RBM20: variants seen among roughly 807,000 people sequenced by gnomAD.
RBM20 encodes RNA-binding protein 20.
RBM20 carries 51 observed loss-of-function variants against 110.1 expected under a neutral mutation model. That is an observed-to-expected ratio of 0.46 (90% CI 0.37 to 0.59). The LOEUF is 0.59. Ranked by LOEUF, RBM20 falls within the 20% of genes least tolerant of loss-of-function variation. The probability of loss-of-function intolerance (pLI) is 0.00; values close to 1 mark genes in which losing one functional copy is unlikely to be tolerated. For missense variants in RBM20, 1,512 were observed against 1,574.9 expected (o/e 0.96, Z 0.68); for synonymous variants, 589 against 618.2 (o/e 0.95, Z 0.70).
chr10:110,776,401 T>G (rs11195319), intron 1 of RBM20, among the ~76,000 whole-genome samples: 67,987 of 152,084 alleles, frequency 0.45, 15,389 homozygotes, highest in South Asian at 0.5. Context: ...CTGGAGGCCA[T>G]AAGTCCAAAA....
chr10:110,682,590 T>C (rs1335512807), intron 1 of RBM20, among the ~76,000 whole-genome samples: 2 of 152,212 alleles, frequency 1.3e-5, no homozygotes, highest in Non-Finnish European at 2.9e-5. Context: ...TTGTGAAAGA[T>C]TCCTGGATTT....
rs144096950 is a variant in RBM20 at position 110,725,244 on chromosome 10, C to A, written c.192-55557C>A. Among the ~76,000 whole-genome samples, 11 of 152,296 alleles carry A rather than the reference C, an allele frequency of 7.2e-5. No individual in the cohort carries two copies. The East Asian group carries it at 1.9e-3, about 27-fold the overall frequency. ...TTCAAAGGCTGATGAAAGCTTTGGACTTTCACCTCAGAAAAATTACTCTGG... is the reference window on the plus strand; with the variant it reads ...TTCAAAGGCTGATGAAAGCTTTGGAATTTCACCTCAGAAAAATTACTCTGG... On this transcript the variant is annotated intron_variant, in intron 1 of 13. Transcript: ENST00000369519.
At chr10:110,822,012 A>G (rs1404216060) in intron 11 of RBM20, 77 bp downstream of exon 11, 1 of 1,373,620 alleles carries the variant, frequency 7.3e-7, no homozygotes. Context: ...GAGCATGTGC[A>G]GGCTGGAATG....
At chr10:110,747,575 A>G (rs1445368537) in intron 1 of RBM20, among the ~76,000 whole-genome samples, 2 of 152,322 alleles carry the variant, frequency 1.3e-5, no homozygotes, top group East Asian at 1.9e-4. Flanking sequence ...GTGGGTTACA[A>G]TGCTTCTCTA....
At chr10:110,776,191 T>C (rs1204485926) in intron 1 of RBM20, among the ~76,000 whole-genome samples, 6 of 152,152 alleles carry the variant, frequency 3.9e-5, no homozygotes, top group Non-Finnish European at 8.8e-5. Flanking sequence ...TTTGGATGTT[T>C]GGTCAGATGG....
intron 1 of RBM20, among the ~76,000 whole-genome samples, chr10:110,735,708 G>A (rs1590644271): frequency 6.6e-6 from 1 of 152,216 alleles, no homozygotes. Context: ...TCTAGCGCAT[G>A]AGCATGTCTG....
intron 1 of RBM20, among the ~76,000 whole-genome samples, chr10:110,757,011 T>G (rs974151100): frequency 2.6e-5 from 4 of 152,192 alleles, no homozygotes; most frequent in African/African-American, 9.6e-5. Context: ...CAATCAGATT[T>G]GTTCCCTCAG....
At chr10:110,650,602 A>C (rs963938621) in intron 1 of RBM20, among the ~76,000 whole-genome samples, 1 of 149,586 alleles carries the variant, frequency 6.7e-6, no homozygotes, top group African/African-American at 2.4e-5. Flanking sequence ...AGGCTGTACC[A>C]GGGCCACTTG....
At position 110,781,384 on chromosome 10, in the gene RBM20, G is replaced by A. The variant is rs530789146; in HGVS notation, c.775G>A (p.Gly259Ser). 1 of 1,551,694 alleles carries A rather than the reference G, an allele frequency of 6.4e-7. No homozygotes were observed. Among genetic ancestry groups the A allele is most frequent in the Non-Finnish European group, 8.7e-7 (1 of 1,147,006 alleles). ...CCTGCCATCCTCGGCCTCAACCTCG[G>A]GCAGTGTGACCTATGAAGGGCACTA... ...GFLPSSASTS[G>S]SVTYEGHYSH... The change falls in exon 2 of 14, where the codon GGC becomes AGC. Residue 259 changes from glycine (G) to serine (S), a missense_variant. Transcript: ENST00000369519.
intron 12 of RBM20, among the ~76,000 whole-genome samples, chr10:110,829,291 G>A (rs1396682097): frequency 6.6e-6 from 1 of 152,222 alleles, no homozygotes; most frequent in Non-Finnish European, 1.5e-5. Context: ...GCCAGGACCT[G>A]TTTGTGAGGT....
chr10:110,667,485 G>A lies in RBM20; in HGVS notation c.191+22840G>A, dbSNP rs571800045. Among the ~76,000 whole-genome samples the A allele has an allele frequency of 7.9e-5, 12 of 152,324 alleles. No individual in the cohort carries two copies. The South Asian group carries it at 2.3e-3, about 29-fold the overall frequency. On this transcript the variant is annotated intron_variant, in intron 1 of 13. Transcript: ENST00000369519. ...TGGGGAAGATCCTGCCTCGGTGGGT[G>A]AATGAAAGGTAAGTAGCTAGATGAC...
At chr10:110,741,223 C>A (rs935310713) in intron 1 of RBM20, among the ~76,000 whole-genome samples, 1 of 152,188 alleles carries the variant, frequency 6.6e-6, no homozygotes, top group Non-Finnish European at 1.5e-5. Flanking sequence ...AGTCAAGAAG[C>A]ACCTATGAAT....
At chr10:110,690,506 C>A (rs1261604056) in intron 1 of RBM20, among the ~76,000 whole-genome samples, 1 of 152,130 alleles carries the variant, frequency 6.6e-6, no homozygotes, top group Non-Finnish European at 1.5e-5. Context: ...TTTTCATCAC[C>A]CAAACAGAAA....
intron 8 of RBM20, among the ~76,000 whole-genome samples, chr10:110,811,747 G>A (rs748483950): frequency 2.0e-5 from 3 of 152,136 alleles, no homozygotes; most frequent in Non-Finnish European, 4.4e-5. Flanking sequence ...AAATTGAGCT[G>A]AGAAATAAAT....
intron 1 of RBM20, among the ~76,000 whole-genome samples, chr10:110,720,907 CT>C (rs1178016797): frequency 6.6e-6 from 1 of 152,248 alleles, no homozygotes; most frequent in Non-Finnish European, 1.5e-5. Context: ...CCTCCATGGC[CT>C]TCACCTTCGT....
At chr10:110,770,828 G>A (rs189816488) in intron 1 of RBM20, among the ~76,000 whole-genome samples, 6 of 152,312 alleles carry the variant, frequency 3.9e-5, no homozygotes, top group Admixed American at 2.0e-4. Flanking sequence ...TCCCAACATC[G>A]TGTAGATTAG....
At chr10:110,818,308 C>A (rs2419583) in intron 9 of RBM20, among the ~76,000 whole-genome samples, 23,157 of 79,502 alleles carry the variant, frequency 0.29, 2,674 homozygotes, top group East Asian at 0.52. Flanking sequence ...AAAAAAAAAA[C>A]CAAAACGACA....
chr10:110,804,106 A>G (rs1220227120), intron 7 of RBM20, among the ~76,000 whole-genome samples: 1 of 152,144 alleles, frequency 6.6e-6, no homozygotes, highest in Non-Finnish European at 1.5e-5. Flanking sequence ...GTTTTTTCCT[A>G]GAAGCTCCCA....
intron 1 of RBM20, among the ~76,000 whole-genome samples, chr10:110,755,368 C>A (rs1471310718): frequency 6.6e-6 from 1 of 152,180 alleles, no homozygotes; most frequent in Non-Finnish European, 1.5e-5. Context: ...TAGGTTAAAG[C>A]TTTCTCCCTA....
Sources: gnomAD v4.1 joint callset for allele counts (sites outside exome capture counted in the v4.1 genomes callset) on GRCh38, gnomAD v4.1.1 for gene constraint, MANE v1.5 for transcripts, NCBI Gene and HGNC (gene_info 2026-07-23, HGNC 2026-07-21) for gene names.